DNAH6: variants seen among roughly 807,000 people sequenced by gnomAD.
DNAH6 encodes dynein axonemal heavy chain 6, also known as axonemal beta dynein heavy chain 6.
Under a neutral mutation model 491.4 loss-of-function variants are expected in DNAH6, and 340 were observed. The ratio of observed to expected loss-of-function variants is 0.69; its 90% CI spans 0.63 to 0.76. The LOEUF is 0.76. Among genes scored for constraint, DNAH6 ranks in the 30% least tolerant of loss-of-function variants. The pLI, the probability that DNAH6 is intolerant of heterozygous loss-of-function variation, is 0.00. For synonymous variants in DNAH6, 1,603 were observed against 1,686.1 expected, an observed-to-expected ratio of 0.95 and a Z score of 1.21; for missense variants, 4,443 against 4,972.2, an observed-to-expected ratio of 0.89 and a Z score of 3.20.
chr2:84,819,156 A>G, intron 76 of DNAH6, 149 bp from the exon 77 acceptor site: 1 of 556,340 alleles, frequency 1.8e-6, no homozygotes, highest in Non-Finnish European at 3.2e-6. Context: ...ATAGAGCATA[A>G]AACAGACCCA....
chr2:84,812,668 C>A (rs1680103592), intron 73 of DNAH6, 142 bp downstream of exon 73: 1 of 760,800 alleles, frequency 1.3e-6, no homozygotes, highest in Non-Finnish European at 2.1e-6. Flanking sequence ...AGAATGGCAT[C>A]ACTTTAAAAG....
At position 84,640,758 on chromosome 2, in the gene DNAH6, G is replaced by A. The variant is rs7573027; in HGVS notation, c.4970+180G>A. Among the ~76,000 whole-genome samples, 23,578 of 152,136 alleles carry A rather than the reference G, an allele frequency of 0.15. 3,146 individuals are homozygous for A. Among genetic ancestry groups the A allele is most frequent in the African/African-American group, 0.36 (14,953 of 41,440 alleles). On this transcript the variant is annotated intron_variant, in intron 32 of 76. Coordinates refer to ENST00000389394, the MANE Select transcript of DNAH6 (RefSeq NM_001370.2). ...GACACAGGCTCTCTCTCTTTATCCT[G>A]TGACAGTTCTTCACTGTGAGTCCTA...
chr2:84,663,947 A>T (rs890211803), intron 37 of DNAH6, among the ~76,000 whole-genome samples: 3 of 152,224 alleles, frequency 2.0e-5, no homozygotes, highest in African/African-American at 7.2e-5. Flanking sequence ...AATATTCAAC[A>T]TTCTTAAAGA....
chr2:84,467,004 A>C, the DNAH6 span, among the ~76,000 whole-genome samples: 1 of 152,242 alleles, frequency 6.6e-6, no homozygotes, highest in Non-Finnish European at 1.5e-5. Context: ...AAAGAAAACC[A>C]AACACCGTTT....
chr2:84,771,489 T>C (rs1174513502), intron 64 of DNAH6, among the ~76,000 whole-genome samples: 1 of 152,146 alleles, frequency 6.6e-6, no homozygotes, highest in Non-Finnish European at 1.5e-5. Context: ...GAATTCTAAG[T>C]AGGATAAACT....
chr2:84,773,272 G>T (rs986305253), intron 64 of DNAH6, among the ~76,000 whole-genome samples: 2 of 151,970 alleles, frequency 1.3e-5, no homozygotes, highest in African/African-American at 4.8e-5. Context: ...ATGTCCATGT[G>T]TACCCATTGT....
In DNAH6 at chr2:84,750,403, T is replaced by C. The variant is rs1236524196; in HGVS notation, c.10512+5154T>C. Among the ~76,000 whole-genome samples, 6 of 152,134 alleles carry C rather than the reference T, an allele frequency of 3.9e-5. No homozygotes were observed. In the East Asian group the frequency reaches 9.6e-4, roughly 24 times the overall value. ...TTTTGCCATGTTACCCAGGCTGGTC[T>C]TGAACTCCTGAGCTCAGGGGTTCCT... On this transcript the variant is annotated intron_variant, in intron 63 of 76. Coordinates refer to ENST00000389394, the MANE Select transcript of DNAH6 (RefSeq NM_001370.2).
rs185484144 is a variant in DNAH6, at chr2:84,594,274, T to A, written c.2724+189T>A. Among the ~76,000 whole-genome samples, 17 of 1,108 alleles carry A rather than the reference T, an allele frequency of 0.015. No homozygotes were observed. The East Asian group carries it at 0.42, about 28-fold the overall frequency. The allele number at this position is 1,108 out of a possible 152,430, so 0.7% of individuals were successfully genotyped here. A position where few individuals can be genotyped will look rare whatever the true frequency, so the allele number is the denominator to read the frequency against. On this transcript the variant is annotated intron_variant, in intron 17 of 76. Transcript: ENST00000389394. Reference sequence around the variant, plus strand: ...AGGCACAAAGGTCCTTATGTCACTGTATGCTACAGGCTCCATATTAGAAGG... The same window carrying A: ...AGGCACAAAGGTCCTTATGTCACTGAATGCTACAGGCTCCATATTAGAAGG...
At chr2:84,599,113 A>T (rs1169201973) in intron 18 of DNAH6, among the ~76,000 whole-genome samples, 1 of 151,264 alleles carries the variant, frequency 6.6e-6, no homozygotes, top group African/African-American at 2.4e-5. Context: ...GCTATTTGCC[A>T]TCCATCTATA....
At chr2:84,518,097 G>T in intron 2 of DNAH6, 46 bp downstream of exon 2, 2 of 1,422,406 alleles carry the variant, frequency 1.4e-6, no homozygotes, top group Non-Finnish European at 9.5e-7. Flanking sequence ...CACAGAGGAA[G>T]TTGTAAAATT....
Position 84,672,385 on chromosome 2 carries a change from G to A in DNAH6, c.6513G>A (p.Leu2171=). The change falls in exon 40 of 77, where the codon CTG becomes CTA. Residue 2171 remains leucine, a synonymous_variant. Coordinates refer to ENST00000389394, the MANE Select transcript of DNAH6 (RefSeq NM_001370.2). ...TTGATGATTTAAACATGCCCAGACTGGATCGCTATGGCTCTCAGCCTCCGA... is the reference window on the plus strand; with the variant it reads ...TTGATGATTTAAACATGCCCAGACTAGATCGCTATGGCTCTCAGCCTCCGA... ...IFVDDLNMPR[L]DRYGSQPPIE... 6.4e-7 allele frequency: 1 copy of A among 1,551,632 alleles called. No individual in the cohort carries two copies. The highest frequency in any genetic ancestry group is 8.7e-7 in the Non-Finnish European group (1 of 1,146,872).
intron 15 of DNAH6, 157 bp downstream of exon 15, chr2:84,584,407 T>G: frequency 1.3e-6 from 1 of 767,024 alleles, no homozygotes. Flanking sequence ...TTAATCAAGC[T>G]AATTAATGTG....
intron 16 of DNAH6, among the ~76,000 whole-genome samples, chr2:84,593,621 A>T (rs1362192777): frequency 6.6e-6 from 1 of 152,178 alleles, no homozygotes; most frequent in Non-Finnish European, 1.5e-5. Context: ...CAGTGCCTCT[A>T]AAGACTCATC....
upstream of DNAH6, among the ~76,000 whole-genome samples, chr2:84,513,265 A>C (rs1675404423): frequency 6.6e-6 from 1 of 152,048 alleles, no homozygotes; most frequent in Non-Finnish European, 1.5e-5. Flanking sequence ...GATATGTTGA[A>C]TATTATAATA....
rs1185129083 is a variant in DNAH6 at position 84,669,409 on chromosome 2, C to T, written c.6205C>T (p.Leu2069Phe). ...CCGAGATGTTCCATTTTTTGAAATG[C>T]TTGTCCCCACAACTGACACAGTGCG... ...YNRDVPFFEMLVPTTDTVRYG... is the reference protein window; with the variant it reads ...YNRDVPFFEMFVPTTDTVRYG... Residue 2069 changes from leucine (L) to phenylalanine (F), a missense_variant, in exon 38 of 77, where the codon CTT (leucine) becomes TTT (phenylalanine). Around this residue, in one of 3 missense-constraint regions of DNAH6, gnomAD observed 2,977 missense variants for 3,296.6 expected, o/e 0.90. Transcript: ENST00000389394. 3 of 1,551,990 alleles carry T rather than the reference C, an allele frequency of 1.9e-6. No individual in the cohort carries two copies. Among genetic ancestry groups the T allele is most frequent in the Non-Finnish European group, 2.6e-6 (3 of 1,147,044 alleles).
chr2:84,718,833 G>T (rs758436038), intron 59 of DNAH6, among the ~76,000 whole-genome samples: 1 of 152,104 alleles, frequency 6.6e-6, no homozygotes, highest in African/African-American at 2.4e-5. Flanking sequence ...CTCTTTTGTT[G>T]TGTTGTTAAG....
chr2:84,808,314 A>C, intron 71 of DNAH6, 101 bp from the exon 72 acceptor site: 1 of 1,306,068 alleles, frequency 7.7e-7, no homozygotes, highest in Non-Finnish European at 1.0e-6. Flanking sequence ...CAATGAGAGA[A>C]GCTGGCTTTT....
At chr2:84,687,408 A>G (rs1338142100) in intron 44 of DNAH6, among the ~76,000 whole-genome samples, 1 of 152,198 alleles carries the variant, frequency 6.6e-6, no homozygotes, top group African/African-American at 2.4e-5. Context: ...TGCTGGTTCA[A>G]CACATGAAGG....
chr2:84,564,562 C>A (rs1367062114), intron 11 of DNAH6, among the ~76,000 whole-genome samples: 1 of 152,082 alleles, frequency 6.6e-6, no homozygotes, highest in Non-Finnish European at 1.5e-5. Context: ...TTACTCAAGT[C>A]ATTTATCAGT....
Sources: gnomAD v4.1 joint callset for allele counts (sites outside exome capture counted in the v4.1 genomes callset) on GRCh38, gnomAD v4.1.1 for gene constraint, gnomAD v4.1.1 regional missense constraint, MANE v1.5 for transcripts, NCBI Gene and HGNC (gene_info 2026-07-23, HGNC 2026-07-21) for gene names.